The following TENM2 variants were observed in gnomAD, a reference collection of about 807,000 sequenced individuals.
TENM2 encodes teneurin-2.
A neutral mutation model predicts 245.2 loss-of-function variants in TENM2; 52 were observed. The observed-to-expected ratio is 0.21, with a 90% CI of 0.17 to 0.27. The LOEUF (loss-of-function observed/expected upper bound fraction) is 0.27. Ranked by LOEUF, TENM2 falls within the 10% of genes least tolerant of loss-of-function variation. The pLI is 1.00. For synonymous variants in TENM2, 1,363 were observed against 1,438.9 expected (o/e 0.95, Z 1.19); for missense variants, 3,046 against 3,666.8 (o/e 0.83, Z 4.37).
chr5:166,988,130 A>G, the TENM2 span, among the ~76,000 whole-genome samples: 2 of 152,156 alleles, frequency 1.3e-5, no homozygotes, highest in Non-Finnish European at 2.9e-5. Context: ...AGCTTCCTAG[A>G]CTTGGCCAGG....
At chr5:168,222,760 T>A (rs894862857) in intron 23 of TENM2, among the ~76,000 whole-genome samples, 5 of 152,186 alleles carry the variant, frequency 3.3e-5, no homozygotes, top group African/African-American at 1.2e-4. Flanking sequence ...TTTATTTTAG[T>A]CCTTAGCACC....
intron 2 of TENM2, among the ~76,000 whole-genome samples, chr5:167,692,049 T>C (rs1757467329): frequency 6.6e-6 from 1 of 152,040 alleles, no homozygotes; most frequent in Non-Finnish European, 1.5e-5. Flanking sequence ...GAATAATTGC[T>C]TGATAGCCTT....
At chr5:167,072,905 TTC>T in the TENM2 span, among the ~76,000 whole-genome samples, 1 of 152,228 alleles carries the variant, frequency 6.6e-6, no homozygotes, top group Non-Finnish European at 1.5e-5. Context: ...ATTTGAACTA[TTC>T]TCTCACTCTA....
the TENM2 span, among the ~76,000 whole-genome samples, chr5:167,084,366 T>TATATATATATATATATATATACAC: frequency 8.7e-5 from 10 of 114,884 alleles, no homozygotes; most frequent in Non-Finnish European, 1.9e-4. Flanking sequence ...TATATATATA[T>TATATATATATATATATATATACAC]ACAGATCAGA....
the TENM2 span, among the ~76,000 whole-genome samples, chr5:167,246,550 A>G: frequency 6.6e-6 from 1 of 152,058 alleles, no homozygotes; most frequent in East Asian, 1.9e-4. Flanking sequence ...ATTTTTATCT[A>G]AATGTCTGTA....
At chr5:167,872,296 T>TAGAAAGAAAGAAAGAA (rs56684638) in intron 2 of TENM2, among the ~76,000 whole-genome samples, 47 of 104,588 alleles carry the variant, frequency 4.5e-4, no homozygotes, top group East Asian at 1.2e-3. Flanking sequence ...AAGAGAAAGA[T>TAGAAAGAAAGAAAGAA]AGAAAGAAAG....
chr5:166,981,842 G>A, the TENM2 span, among the ~76,000 whole-genome samples: 26 of 152,036 alleles, frequency 1.7e-4, no homozygotes, highest in South Asian at 4.2e-4. Flanking sequence ...GATAATTTGT[G>A]TTAAAATATT....
At chr5:167,145,815 A>G in the TENM2 span, among the ~76,000 whole-genome samples, 1 of 152,278 alleles carries the variant, frequency 6.6e-6, no homozygotes, top group African/African-American at 2.4e-5. Flanking sequence ...TGATTTGTCC[A>G]TCTTCTGGGA....
chr5:167,344,848 G>A (rs1292450744), intron 1 of TENM2, among the ~76,000 whole-genome samples: 1 of 152,034 alleles, frequency 6.6e-6, no homozygotes, highest in Non-Finnish European at 1.5e-5. Flanking sequence ...GAAAGCAGTG[G>A]GGCAGCCACC....
intron 12 of TENM2, chr5:168,149,346 C>G (rs1308620762): frequency 2.2e-6 from 1 of 456,594 alleles, no homozygotes; most frequent in African/African-American, 2.0e-5. Flanking sequence ...AGGGCAGAAT[C>G]CTCACAAAAT....
At chr5:167,702,599 G>A (rs917838276) in intron 2 of TENM2, among the ~76,000 whole-genome samples, 2 of 141,814 alleles carry the variant, frequency 1.4e-5, no homozygotes, top group Non-Finnish European at 1.5e-5. Context: ...TCTTTACATA[G>A]TAAAAGTTTT....
chr5:168,055,869 G>C (rs905528127), intron 6 of TENM2, among the ~76,000 whole-genome samples: 6 of 152,114 alleles, frequency 3.9e-5, no homozygotes, highest in Non-Finnish European at 8.8e-5. Context: ...ATCAGAGCTG[G>C]GATTCAAACC....
the TENM2 span, among the ~76,000 whole-genome samples, chr5:167,179,223 C>T: frequency 2.0e-3 from 299 of 152,260 alleles, no homozygotes; most frequent in Non-Finnish European, 3.4e-3. Flanking sequence ...TCTACTTCAC[C>T]GCTTGCATGA....
intron 2 of TENM2, among the ~76,000 whole-genome samples, chr5:167,716,997 C>T (rs1007926856): frequency 3.4e-5 from 5 of 148,200 alleles, no homozygotes; most frequent in Non-Finnish European, 5.9e-5. Context: ...TGCTCTGTTG[C>T]CTAGACTGCT....
intron 27 of TENM2, among the ~76,000 whole-genome samples, chr5:168,257,082 G>A (rs529142178): frequency 2.6e-5 from 4 of 152,240 alleles, no homozygotes; most frequent in African/African-American, 9.6e-5. Flanking sequence ...TTGTTGTAGG[G>A]CCTAGGGAGA....
chr5:167,439,027 C>G (rs1213384669), intron 2 of TENM2, among the ~76,000 whole-genome samples: 1 of 151,952 alleles, frequency 6.6e-6, no homozygotes, highest in Non-Finnish European at 1.5e-5. Context: ...CTCCTGACCT[C>G]AGGTGATCCA....
intron 2 of TENM2, among the ~76,000 whole-genome samples, chr5:167,665,825 A>T (rs974026135): frequency 2.0e-5 from 3 of 152,180 alleles, no homozygotes; most frequent in Admixed American, 1.3e-4. Context: ...TTCTGCCTCG[A>T]CATTTACTTT....
intron 1 of TENM2, among the ~76,000 whole-genome samples, chr5:167,367,323 C>T (rs749806182): frequency 3.3e-5 from 5 of 152,050 alleles, no homozygotes; most frequent in Non-Finnish European, 7.4e-5. Flanking sequence ...AAATATCAAT[C>T]TCTTAGGTGT....
At chr5:167,276,175 T>C in the TENM2 span, among the ~76,000 whole-genome samples, 1 of 152,190 alleles carries the variant, frequency 6.6e-6, no homozygotes, top group East Asian at 1.9e-4. Flanking sequence ...TTTCTTTTGC[T>C]CTTTCTTTTT....
Sources: allele counts gnomAD v4.1 joint callset (sites outside exome capture counted in the v4.1 genomes callset), GRCh38; gene constraint gnomAD v4.1.1; transcripts MANE v1.5; gene names NCBI Gene and HGNC (gene_info 2026-07-23, HGNC 2026-07-21).